The following SIN3A variants were observed in gnomAD, a reference collection of about 807,000 sequenced individuals.
SIN3A encodes SIN3 transcription regulator family member A.
SIN3A carries 14 observed loss-of-function variants against 146.1 expected under a neutral mutation model. That is an observed-to-expected ratio of 0.10 (90% CI 0.06 to 0.15). SIN3A has a LOEUF of 0.15. Among genes scored for constraint, SIN3A ranks in the 10% least tolerant of loss-of-function variants. The pLI, the probability that SIN3A is intolerant of heterozygous loss-of-function variation, is 1.00. For missense variants in SIN3A, 1,028 were observed against 1,576.0 expected, an observed-to-expected ratio of 0.65 and a Z score of 5.89; for synonymous variants, 572 against 572.0, an observed-to-expected ratio of 1.00 and a Z score of 0.00.
At chr15:75,397,471 T>C (rs1445583408) in intron 12 of SIN3A, among the ~76,000 whole-genome samples, 3 of 152,168 alleles carry the variant, frequency 2.0e-5, no homozygotes, top group Non-Finnish European at 4.4e-5. Context: ...CAAGCTCTCT[T>C]TTCCTCCTAG....
chr15:75,413,886 C>T (rs945560439), intron 4 of SIN3A, among the ~76,000 whole-genome samples: 1 of 152,142 alleles, frequency 6.6e-6, no homozygotes, highest in Non-Finnish European at 1.5e-5. Flanking sequence ...TACACTCTTA[C>T]AACAGTGAAC....
rs191267037 is a variant in SIN3A, at chr15:75,422,961, A to G, written c.190-138T>C. On this transcript the variant is annotated intron_variant, in intron 2 of 20. Coordinates refer to ENST00000394947, the MANE Select transcript of SIN3A (RefSeq NM_001145358.2). Reference sequence around the variant, plus strand: ...CTGCTGGGCGTGATGGCTCACACCTATCTCACCTACATAGGAAGATCGCCT... The same window carrying G: ...CTGCTGGGCGTGATGGCTCACACCTGTCTCACCTACATAGGAAGATCGCCT... 337 of 782,714 alleles carry G rather than the reference A, an allele frequency of 4.3e-4. 1 individual carries two copies. Among genetic ancestry groups the G allele is most frequent in the East Asian group, 6.4e-4 (24 of 37,264 alleles). 48.5% of individuals were successfully genotyped at this position (782,714 alleles called of 1,614,324 possible). A position where few individuals can be genotyped will look rare whatever the true frequency, so the allele number is the denominator to read the frequency against.
chr15:75,424,766 C>T (rs2073897311), intron 2 of SIN3A, among the ~76,000 whole-genome samples: 1 of 152,126 alleles, frequency 6.6e-6, no homozygotes, highest in African/African-American at 2.4e-5. Context: ...AGCCACTGTG[C>T]CCAGCCTGTA....
Position 75,412,940 on chromosome 15 carries a change from C to T in SIN3A, c.579G>A (p.Glu193=). 2.5e-6 allele frequency: 4 copies of T among 1,614,030 alleles called. No homozygotes were observed. The highest frequency in any genetic ancestry group is 3.4e-6 in the Non-Finnish European group (4 of 1,180,002). Residue 193 remains glutamate, a synonymous_variant, in exon 5 of 21, where the codon GAG becomes GAA. Transcript: ENST00000394947. ...NTFLPPGYKI[E]VQTNDMVNVT... ...CATTCACCATGTCATTGGTTTGCAC[C>T]TCAATTTTGTAGCCAGGGGGCAAGA... is the stretch of plus-strand genomic sequence containing the variant.
chr15:75,403,462 A>G (rs1595901922), intron 9 of SIN3A, among the ~76,000 whole-genome samples: 1 of 151,938 alleles, frequency 6.6e-6, no homozygotes, highest in South Asian at 2.1e-4. Context: ...CAATTTAAAA[A>G]CTGAGATCTC....
chr15:75,429,607 C>T (rs1242955312), intron 2 of SIN3A, among the ~76,000 whole-genome samples: 6 of 152,242 alleles, frequency 3.9e-5, no homozygotes, highest in African/African-American at 1.4e-4. Context: ...TAAATTCTGG[C>T]ACAAGCTTCT....
chr15:75,444,054 A>T (rs940085404), intron 1 of SIN3A, among the ~76,000 whole-genome samples: 1 of 152,238 alleles, frequency 6.6e-6, no homozygotes, highest in Non-Finnish European at 1.5e-5. Context: ...AATTCCTAGG[A>T]TGATGAAATA....
rs2141383211 is a variant in SIN3A, at chr15:75,380,703, C to T, written c.3309G>A (p.Glu1103=). ...AGGTAGTATCTGAATTCATGTATCG[C>T]TCCACGTAGTCTGACCAGCGCTAAG... ...VEAERWSDYV[E]RYMNSDTTSP... The change falls in exon 19 of 21, where the codon GAG becomes GAA. Residue 1103 remains glutamate (E), a synonymous_variant. Transcript: ENST00000394947. 1.2e-6 allele frequency: 2 copies of T among 1,613,954 alleles called. No homozygotes were observed. Among genetic ancestry groups the T allele is most frequent in the Middle Eastern group, 1.6e-4 (1 of 6,062 alleles).
intron 1 of SIN3A, among the ~76,000 whole-genome samples, chr15:75,432,935 G>C (rs921124091): frequency 2.0e-5 from 3 of 152,074 alleles, no homozygotes; most frequent in African/African-American, 7.2e-5. Flanking sequence ...CCAGCTACTT[G>C]GGACGCTGAG....
intron 12 of SIN3A, among the ~76,000 whole-genome samples, chr15:75,397,280 T>A (rs1028835435): frequency 6.6e-6 from 1 of 152,240 alleles, no homozygotes; most frequent in Non-Finnish European, 1.5e-5. Flanking sequence ...GGTAGTCATT[T>A]GGTCAATATT....
intron 6 of SIN3A, among the ~76,000 whole-genome samples, chr15:75,410,676 G>A (rs1325476594): frequency 2.0e-5 from 3 of 151,992 alleles, no homozygotes; most frequent in Non-Finnish European, 4.4e-5. Flanking sequence ...TCCTCCTACT[G>A]TACATTAACT....
intron 2 of SIN3A, among the ~76,000 whole-genome samples, chr15:75,423,415 A>G (rs1201520504): frequency 6.6e-6 from 1 of 152,230 alleles, no homozygotes; most frequent in African/African-American, 2.4e-5. Flanking sequence ...ACGGTGGCTC[A>G]TGCCTGTAAT....
chr15:75,436,898 T>C (rs764155554), intron 1 of SIN3A, among the ~76,000 whole-genome samples: 1 of 152,162 alleles, frequency 6.6e-6, no homozygotes, highest in African/African-American at 2.4e-5. Flanking sequence ...AGCTACATCT[T>C]GAAAATTAGA....
intron 1 of SIN3A, among the ~76,000 whole-genome samples, chr15:75,439,286 C>T (rs1375325047): frequency 6.6e-6 from 1 of 151,948 alleles, no homozygotes; most frequent in Non-Finnish European, 1.5e-5. Flanking sequence ...CCCAAAATGT[C>T]AACAGTGTGT....
chr15:75,392,565 T>C lies in SIN3A; in HGVS notation c.2528A>G (p.Asp843Gly). The C allele has an allele frequency of 6.2e-7, 1 of 1,614,160 alleles. No individual in the cohort carries two copies. Among genetic ancestry groups the C allele is most frequent in the Non-Finnish European group, 8.5e-7 (1 of 1,180,040 alleles). ...DVEEEEEEEM[D>G]VDEATGAVKK... The stretch of plus-strand genomic sequence containing the variant: ...AACTGCCCCTGTGGCTTCATCTACA[T>C]CCATCTCTTCTTCTTCCTCTTCCTC... The change falls in exon 15 of 21, where the codon GAT becomes GGT. Residue 843 changes from aspartate to glycine, a missense_variant. Transcript: ENST00000394947.
intron 9 of SIN3A, among the ~76,000 whole-genome samples, chr15:75,405,253 C>G (rs2073488136): frequency 6.6e-6 from 1 of 150,958 alleles, no homozygotes; most frequent in Non-Finnish European, 1.5e-5. Flanking sequence ...GTAATCCTAG[C>G]TACTCAGGAG....
intron 1 of SIN3A, among the ~76,000 whole-genome samples, chr15:75,432,353 T>TATA (rs2074026891): frequency 6.6e-6 from 1 of 152,152 alleles, no homozygotes; most frequent in African/African-American, 2.4e-5. Flanking sequence ...AACTGATGCT[T>TATA]AACTCATCGG....
chr15:75,382,718 G>A (rs561634318), intron 17 of SIN3A, among the ~76,000 whole-genome samples: 62 of 152,252 alleles, frequency 4.1e-4, no homozygotes, highest in African/African-American at 1.4e-3. Flanking sequence ...AGGCTAAGGC[G>A]GGCAGATCAC....
intron 19 of SIN3A, chr15:75,376,148 T>A (rs2072851506): frequency 2.0e-6 from 1 of 501,840 alleles, no homozygotes; most frequent in African/African-American, 1.9e-5. Context: ...GTCTGTAAAT[T>A]TACACATGTA....
Sources: allele counts gnomAD v4.1 joint callset (sites outside exome capture counted in the v4.1 genomes callset), GRCh38; gene constraint gnomAD v4.1.1; transcripts MANE v1.5; gene names NCBI Gene and HGNC (gene_info 2026-07-23, HGNC 2026-07-21).